The following ATRNL1 variants were observed in gnomAD, a reference collection of about 807,000 sequenced individuals.
ATRNL1 encodes attractin like 1.
Under a neutral mutation model 182.7 loss-of-function variants are expected in ATRNL1, and 95 were observed. The observed-to-expected ratio is 0.52, with a 90% CI of 0.44 to 0.62. The LOEUF is 0.62. ATRNL1 is among the 20% of genes least tolerant of loss of function. ATRNL1 has a pLI of 0.00. For synonymous variants in ATRNL1, 576 were observed against 568.3 expected, an observed-to-expected ratio of 1.01 and a Z score of -0.19; for missense variants, 1,471 against 1,679.5, an observed-to-expected ratio of 0.88 and a Z score of 2.17.
chr10:115,158,287 A>G (rs1349433781), intron 5 of ATRNL1, among the ~76,000 whole-genome samples: 1 of 152,014 alleles, frequency 6.6e-6, no homozygotes, highest in African/African-American at 2.4e-5. Context: ...CTTTTCTGTA[A>G]AAGGCCAGGT....
At chr10:115,580,957 C>T (rs1555007113) in intron 26 of ATRNL1, among the ~76,000 whole-genome samples, 3 of 152,082 alleles carry the variant, frequency 2.0e-5, no homozygotes, top group South Asian at 4.1e-4. Flanking sequence ...TTTCCCTGAC[C>T]GTGGTGTGAA....
chr10:115,394,271 C>T (rs1225547880), intron 19 of ATRNL1, among the ~76,000 whole-genome samples: 2 of 151,822 alleles, frequency 1.3e-5, no homozygotes, highest in East Asian at 3.9e-4. Flanking sequence ...GTAAATTGTC[C>T]AAGGTCATAT....
At chr10:115,901,525 G>GT (rs1952350690) in intron 28 of ATRNL1, among the ~76,000 whole-genome samples, 1 of 151,844 alleles carries the variant, frequency 6.6e-6, no homozygotes. Context: ...TGGGTTTTTT[G>GT]TTTTTTGTTT....
chr10:115,376,124 T>C (rs1265359600), intron 19 of ATRNL1, among the ~76,000 whole-genome samples: 1 of 152,164 alleles, frequency 6.6e-6, no homozygotes, highest in Non-Finnish European at 1.5e-5. Context: ...GGTGGTGTTT[T>C]TTTCCTGTAA....
At chr10:115,454,053 G>C (rs1430589752) in intron 21 of ATRNL1, among the ~76,000 whole-genome samples, 1 of 152,008 alleles carries the variant, frequency 6.6e-6, no homozygotes, top group Non-Finnish European at 1.5e-5. Flanking sequence ...TTACATGTAA[G>C]TCTTTAATCC....
chr10:115,340,915 T>C (rs916057017), intron 19 of ATRNL1, among the ~76,000 whole-genome samples: 6 of 152,070 alleles, frequency 3.9e-5, no homozygotes, highest in Non-Finnish European at 8.8e-5. Flanking sequence ...GTGTCTTCTC[T>C]GTTTTTTCTT....
intron 26 of ATRNL1, among the ~76,000 whole-genome samples, chr10:115,551,084 T>G (rs782180537): frequency 2.0e-4 from 30 of 151,906 alleles, no homozygotes; most frequent in Middle Eastern, 6.8e-3. Context: ...AAGAAGGATT[T>G]GTACCCTAGA....
At chr10:115,746,118 C>T (rs1159439492) in intron 27 of ATRNL1, among the ~76,000 whole-genome samples, 3 of 151,976 alleles carry the variant, frequency 2.0e-5, no homozygotes, top group African/African-American at 4.8e-5. Context: ...TCATATCACT[C>T]AACTTCGAGA....
chr10:115,882,931 G>A (rs572499201), intron 28 of ATRNL1, among the ~76,000 whole-genome samples: 51 of 152,202 alleles, frequency 3.4e-4, no homozygotes, highest in African/African-American at 7.9e-4. Flanking sequence ...TCATAGCTCC[G>A]GCTGTTTGAA....
chr10:115,818,733 G>T (rs1313698383), intron 27 of ATRNL1, among the ~76,000 whole-genome samples: 3 of 152,068 alleles, frequency 2.0e-5, no homozygotes, highest in African/African-American at 7.2e-5. Flanking sequence ...AAATCCAGAA[G>T]AGGCTCTCCA....
intron 27 of ATRNL1, among the ~76,000 whole-genome samples, chr10:115,824,981 G>A (rs1950394649): frequency 6.6e-6 from 1 of 152,092 alleles, no homozygotes; most frequent in Non-Finnish European, 1.5e-5. Context: ...CAAAGACTTG[G>A]AACCAACACA....
chr10:115,816,666 T>A (rs564098316), intron 27 of ATRNL1, among the ~76,000 whole-genome samples: 1 of 152,124 alleles, frequency 6.6e-6, no homozygotes, highest in African/African-American at 2.4e-5. Flanking sequence ...GCCTTACCTG[T>A]TAAGTTTCAG....
chr10:115,452,761 A>C (rs75293199), intron 21 of ATRNL1, among the ~76,000 whole-genome samples: 4,467 of 152,224 alleles, frequency 0.029, 214 homozygotes, highest in African/African-American at 0.1. Flanking sequence ...TGTTAACTAT[A>C]AGTACTATCC....
intron 15 of ATRNL1, among the ~76,000 whole-genome samples, chr10:115,290,425 C>T (rs781791347): frequency 6.6e-6 from 1 of 152,020 alleles, no homozygotes; most frequent in Non-Finnish European, 1.5e-5. Flanking sequence ...GAGGCTGAGG[C>T]GAATGGATCA....
chr10:115,439,327 T>C (rs971326736), intron 21 of ATRNL1, among the ~76,000 whole-genome samples: 1 of 151,884 alleles, frequency 6.6e-6, no homozygotes, highest in Non-Finnish European at 1.5e-5. Flanking sequence ...AATCTAATTA[T>C]TTAATATGTA....
chr10:115,247,664 C>T (rs1024907800), intron 10 of ATRNL1, among the ~76,000 whole-genome samples: 8 of 152,152 alleles, frequency 5.3e-5, no homozygotes, highest in African/African-American at 1.9e-4. Context: ...AGCAATACCA[C>T]CACTGGATAT....
intron 26 of ATRNL1, among the ~76,000 whole-genome samples, chr10:115,675,395 A>G (rs1043904035): frequency 1.3e-5 from 2 of 152,112 alleles, no homozygotes; most frequent in African/African-American, 4.8e-5. Flanking sequence ...AAGAAGGAGA[A>G]GAAGAACAAG....
intron 8 of ATRNL1, among the ~76,000 whole-genome samples, chr10:115,213,846 T>G (rs1849122527): frequency 6.6e-6 from 1 of 152,088 alleles, no homozygotes; most frequent in South Asian, 2.1e-4. Flanking sequence ...GCAAGGTTGT[T>G]TATTGCACCA....
chr10:115,323,238 G>A (rs529279322), intron 18 of ATRNL1, among the ~76,000 whole-genome samples: 75 of 152,126 alleles, frequency 4.9e-4, no homozygotes, highest in African/African-American at 1.7e-3. Context: ...TAAGCTTGCT[G>A]ATTATTTTTC....
Sources: gnomAD v4.1 joint callset for allele counts (sites outside exome capture counted in the v4.1 genomes callset) on GRCh38, gnomAD v4.1.1 for gene constraint, MANE v1.5 for transcripts, NCBI Gene and HGNC (gene_info 2026-07-23, HGNC 2026-07-21) for gene names.